PCDH7: variants seen among roughly 807,000 people sequenced by gnomAD.
The protein encoded by PCDH7 is protocadherin 7.
Under a neutral mutation model 58.9 loss-of-function variants are expected in PCDH7, and 17 were observed. That is an observed-to-expected ratio of 0.29 (90% CI 0.20 to 0.43). PCDH7 has a LOEUF of 0.43. Among genes scored for constraint, PCDH7 ranks in the 20% least tolerant of loss-of-function variants. PCDH7 has a pLI of 1.00. For missense variants in PCDH7, 1,274 were observed against 1,441.0 expected (o/e 0.88, Z 1.88); for synonymous variants, 664 against 616.4 (o/e 1.08, Z -1.14).
At chr4:30,832,656 G>T (rs1729948885) in intron 1 of PCDH7, among the ~76,000 whole-genome samples, 1 of 152,044 alleles carries the variant, frequency 6.6e-6, no homozygotes, top group African/African-American at 2.4e-5. Context: ...TCCTGCATGT[G>T]CATGTACTTA....
At chr4:30,999,773 G>A (rs1241315191) in intron 3 of PCDH7, among the ~76,000 whole-genome samples, 1 of 152,112 alleles carries the variant, frequency 6.6e-6, no homozygotes, top group Non-Finnish European at 1.5e-5. Context: ...CATTGTTAGG[G>A]AGAATTGATT....
chr4:30,742,278 T>C (rs977766690), intron 1 of PCDH7, among the ~76,000 whole-genome samples: 1 of 152,194 alleles, frequency 6.6e-6, no homozygotes, highest in Non-Finnish European at 1.5e-5. Flanking sequence ...ACAAATAGTT[T>C]AATGAAGAAT....
At chr4:30,916,226 A>C (rs1742453817) in intron 1 of PCDH7, among the ~76,000 whole-genome samples, 1 of 152,166 alleles carries the variant, frequency 6.6e-6, no homozygotes, top group African/African-American at 2.4e-5. Flanking sequence ...ACCTTCTCTC[A>C]GCCTTACCTC....
chr4:31,048,894 G>T (rs1756509518), intron 3 of PCDH7, among the ~76,000 whole-genome samples: 1 of 152,074 alleles, frequency 6.6e-6, no homozygotes. Context: ...AGGACAAATT[G>T]CCCTTTGAGA....
intron 1 of PCDH7, among the ~76,000 whole-genome samples, chr4:30,865,452 C>G (rs1259816454): frequency 1.3e-5 from 2 of 151,944 alleles, no homozygotes; most frequent in South Asian, 4.1e-4. Context: ...TCAGGAGAAG[C>G]TAGACTATAG....
chr4:30,870,795 G>A (rs984294822), intron 1 of PCDH7, among the ~76,000 whole-genome samples: 4 of 152,094 alleles, frequency 2.6e-5, no homozygotes, highest in Non-Finnish European at 5.9e-5. Context: ...TTTGCTTCAA[G>A]CACAGTCTTG....
intron 3 of PCDH7, among the ~76,000 whole-genome samples, chr4:31,081,398 T>A (rs1352912659): frequency 6.6e-6 from 1 of 152,204 alleles, no homozygotes; most frequent in Non-Finnish European, 1.5e-5. Flanking sequence ...TAACCATATA[T>A]TATATGCACA....
chr4:31,128,095 G>A (rs1718527600), intron 3 of PCDH7, among the ~76,000 whole-genome samples: 1 of 141,942 alleles, frequency 7.0e-6, no homozygotes, highest in African/African-American at 2.8e-5. Context: ...GCATATATAT[G>A]TATATATGTG....
intron 2 of PCDH7, among the ~76,000 whole-genome samples, chr4:30,927,749 A>G (rs1176737185): frequency 2.6e-5 from 4 of 151,916 alleles, no homozygotes; most frequent in Non-Finnish European, 5.9e-5. Flanking sequence ...TGCCTAGGAA[A>G]ACCAGAGACC....
intron 3 of PCDH7, among the ~76,000 whole-genome samples, chr4:30,957,468 G>A (rs796223212): frequency 6.6e-6 from 1 of 152,108 alleles, no homozygotes; most frequent in Non-Finnish European, 1.5e-5. Flanking sequence ...AAACAACCAG[G>A]AAATGTGGAT....
intron 1 of PCDH7, among the ~76,000 whole-genome samples, chr4:30,858,092 A>G (rs1181524240): frequency 1.3e-5 from 2 of 152,180 alleles, no homozygotes; most frequent in Non-Finnish European, 2.9e-5. Flanking sequence ...TTCTTGATAC[A>G]CATATGAACT....
At chr4:30,834,166 T>C (rs188883267) in intron 1 of PCDH7, among the ~76,000 whole-genome samples, 11 of 152,204 alleles carry the variant, frequency 7.2e-5, no homozygotes, top group African/African-American at 2.7e-4. Flanking sequence ...CATTTACTTA[T>C]CACCAGGGCC....
chr4:30,989,798 CA>C (rs1283541739), intron 3 of PCDH7, among the ~76,000 whole-genome samples: 1 of 151,936 alleles, frequency 6.6e-6, no homozygotes, highest in Non-Finnish European at 1.5e-5. Context: ...CCTTCCCCAC[CA>C]AAAAATGTAT....
chr4:30,889,298 TA>T (rs1738290064), intron 1 of PCDH7, among the ~76,000 whole-genome samples: 1 of 151,966 alleles, frequency 6.6e-6, no homozygotes, highest in African/African-American at 2.4e-5. Flanking sequence ...TGGTTTGGAA[TA>T]TATAATGGCA....
intron 1 of PCDH7, among the ~76,000 whole-genome samples, chr4:30,835,995 T>G (rs1368231914): frequency 1.3e-5 from 2 of 152,328 alleles, no homozygotes; most frequent in Admixed American, 6.5e-5. Context: ...TTACCTTAGA[T>G]AATTCATATC....
chr4:30,906,849 C>G (rs1371935807), intron 1 of PCDH7, among the ~76,000 whole-genome samples: 3 of 151,914 alleles, frequency 2.0e-5, no homozygotes, highest in African/African-American at 7.3e-5. Context: ...ATGGTGAAAC[C>G]CTGTACCTAC....
rs568405558 is a variant in PCDH7 at position 30,827,908 on chromosome 4, G to T, written c.71-92245G>T. Among the ~76,000 whole-genome samples the T allele has an allele frequency of 4.6e-5, 7 of 152,238 alleles. No individual in the cohort carries two copies. The South Asian group carries it at 1.4e-3, about 32-fold the overall frequency. ...GAGCCTAGCAGTTAAGAATAATTAA[G>T]AACTTAGGTTTTGTAGTTACACTGC... On this transcript the variant is annotated intron_variant, in intron 1 of 3. Coordinates refer to the PCDH7 transcript ENST00000509759.
At chr4:31,022,297 A>G (rs189674230) in intron 3 of PCDH7, among the ~76,000 whole-genome samples, 147 of 152,252 alleles carry the variant, frequency 9.7e-4, no homozygotes, top group African/African-American at 3.3e-3. Context: ...AGATTTTGTG[A>G]TTTTTCACAG....
chr4:30,931,279 A>C (rs1744545478), intron 2 of PCDH7, among the ~76,000 whole-genome samples: 1 of 152,182 alleles, frequency 6.6e-6, no homozygotes, highest in South Asian at 2.1e-4. Flanking sequence ...AGTTGAATTA[A>C]AGTTAATATG....
Sources: gnomAD v4.1 joint callset for allele counts (sites outside exome capture counted in the v4.1 genomes callset) on GRCh38, gnomAD v4.1.1 for gene constraint, MANE v1.5 for transcripts, NCBI Gene and HGNC (gene_info 2026-07-23, HGNC 2026-07-21) for gene names.